ENPP1: variants seen among roughly 807,000 people sequenced by gnomAD.
ENPP1 encodes ectonucleotide pyrophosphatase/phosphodiesterase 1, also known as ectonucleotide pyrophosphatase/phosphodiesterase family member 1.
A neutral mutation model predicts 122.8 loss-of-function variants in ENPP1; 73 were observed. That is an observed-to-expected ratio of 0.59 (90% CI 0.49 to 0.72). The LOEUF is 0.72. ENPP1 is among the 30% of genes least tolerant of loss of function. ENPP1 has a pLI of 0.00. For missense variants in ENPP1, 978 were observed against 1,128.1 expected, an observed-to-expected ratio of 0.87 and a Z score of 1.91; for synonymous variants, 367 against 391.6, an observed-to-expected ratio of 0.94 and a Z score of 0.74.
At chr6:131,873,403 C>T (rs1782187864) in intron 15 of ENPP1, among the ~76,000 whole-genome samples, 1 of 152,154 alleles carries the variant, frequency 6.6e-6, no homozygotes, top group Admixed American at 6.6e-5. Flanking sequence ...AACCATTGTT[C>T]TGGCTTTTCA....
intron 3 of ENPP1, 146 bp downstream of exon 3, chr6:131,850,252 T>C (rs1443268419): frequency 1.5e-6 from 1 of 680,580 alleles, no homozygotes; most frequent in African/African-American, 1.8e-5. Flanking sequence ...TTAGCTTTTA[T>C]ATTTTCTTTC....
rs114446564 is a variant in ENPP1, at chr6:131,825,529, G to A, written c.240+17254G>A. The stretch of plus-strand genomic sequence containing the variant: ...ACGGCTAGTCACTTTCATATTGACA[G>A]TACAGATCTGTGGAACATTTTTAGC... On this transcript the variant is annotated intron_variant, in intron 1 of 24. Coordinates refer to ENST00000647893, the MANE Select transcript of ENPP1 (RefSeq NM_006208.3). Among the ~76,000 whole-genome samples the A allele has an allele frequency of 6.9e-3, 1,046 of 152,260 alleles. 16 individuals carry two copies. The highest frequency in any genetic ancestry group is 0.024 in the African/African-American group (985 of 41,532).
intron 1 of ENPP1, among the ~76,000 whole-genome samples, chr6:131,812,318 C>G (rs1178696099): frequency 1.3e-5 from 2 of 152,098 alleles, no homozygotes; most frequent in African/African-American, 2.4e-5. Context: ...TTGTCCTGGT[C>G]TAAAGAACAA....
chr6:131,889,723 C>T (rs1782438639), intron 24 of ENPP1, among the ~76,000 whole-genome samples: 1 of 152,108 alleles, frequency 6.6e-6, no homozygotes, highest in Admixed American at 6.5e-5. Flanking sequence ...CATGTCTCTC[C>T]TATTGTGAAT....
In ENPP1 at chr6:131,893,501, C is replaced by T. The variant is rs1782499554; in HGVS notation, c.*2990C>T. ...GCAAAGAAGGGACCTTCTAACATTC[C>T]TTGGATGGAACATTTTTGACATTTT... On this transcript the variant is annotated 3_prime_UTR_variant, in exon 25 of 25. Transcript: ENST00000647893. 1 of 152,220 alleles carries T rather than the reference C, an allele frequency of 6.6e-6. No homozygotes were observed. The highest frequency in any genetic ancestry group is 1.5e-5 in the Non-Finnish European group (1 of 68,054). 9.4% of individuals were successfully genotyped at this position (152,220 alleles called of 1,614,324 possible).
At chr6:131,874,122 T>C in intron 15 of ENPP1, 146 bp from the exon 16 acceptor site, 1 of 629,104 alleles carries the variant, frequency 1.6e-6, no homozygotes, top group South Asian at 1.8e-5. Context: ...TTCTTAATGC[T>C]TTTCAAAGCC....
chr6:131,874,627 A>G (rs931406474), intron 16 of ENPP1, among the ~76,000 whole-genome samples: 2 of 152,158 alleles, frequency 1.3e-5, no homozygotes, highest in African/African-American at 4.8e-5. Flanking sequence ...GGATCACTGT[A>G]TAGAGATTTC....
intron 1 of ENPP1, chr6:131,826,634 T>G: frequency 1.2e-6 from 1 of 869,512 alleles, no homozygotes; most frequent in Non-Finnish European, 1.8e-6. Flanking sequence ...AGGCTTTTCT[T>G]ATTGACCATC....
chr6:131,860,176 T>C (rs1781999891), intron 7 of ENPP1, among the ~76,000 whole-genome samples: 1 of 152,184 alleles, frequency 6.6e-6, no homozygotes, highest in Admixed American at 6.5e-5. Flanking sequence ...TGACTTATTT[T>C]CTCCTATTAC....
intron 9 of ENPP1, among the ~76,000 whole-genome samples, chr6:131,864,032 G>A (rs187123991): frequency 4.6e-5 from 7 of 152,208 alleles, no homozygotes; most frequent in African/African-American, 1.4e-4. Flanking sequence ...TTGGGGTGGG[G>A]CAAGAACTCT....
chr6:131,882,495 AC>A (rs780614479), intron 21 of ENPP1, 21 bp downstream of exon 21: 11 of 1,581,316 alleles, frequency 7.0e-6, no homozygotes, highest in Middle Eastern at 1.7e-4. Context: ...TCCTCTCCTG[AC>A]CTTCCCTTTT....
At chr6:131,854,607 G>T (rs1781922034) in intron 5 of ENPP1, among the ~76,000 whole-genome samples, 11 of 152,014 alleles carry the variant, frequency 7.2e-5, no homozygotes, top group Admixed American at 7.2e-4. Context: ...TATTTTAGTA[G>T]CAATTGGTGT....
At chr6:131,873,081 A>T (rs752544806) in intron 15 of ENPP1, 31 bp downstream of exon 15, 8 of 1,612,778 alleles carry the variant, frequency 5.0e-6, no homozygotes, top group Non-Finnish European at 6.8e-6. Flanking sequence ...AGGTAAACTT[A>T]GTCTGATCGG....
At chr6:131,889,196 G>A (rs1027009387) in intron 24 of ENPP1, among the ~76,000 whole-genome samples, 18 of 152,200 alleles carry the variant, frequency 1.2e-4, no homozygotes, top group Non-Finnish European at 2.4e-4. Flanking sequence ...TACCTGATAC[G>A]ATTGTCACAG....
At chr6:131,874,226 T>C (rs199886668) in intron 15 of ENPP1, 42 bp from the exon 16 acceptor site, 56 of 1,089,162 alleles carry the variant, frequency 5.1e-5, no homozygotes, top group Non-Finnish European at 5.4e-5. Context: ...TTATGTTTTA[T>C]GAAAGGACTT....
At chr6:131,812,210 C>T (rs1243786225) in intron 1 of ENPP1, among the ~76,000 whole-genome samples, 1 of 152,128 alleles carries the variant, frequency 6.6e-6, no homozygotes, top group Non-Finnish European at 1.5e-5. Flanking sequence ...AAAAGGATGA[C>T]ACAAATAAGG....
Position 131,818,705 on chromosome 6 carries a change from C to G in ENPP1, c.240+10430C>G, listed in dbSNP as rs1781448005. The stretch of plus-strand genomic sequence containing the variant: ...TTTAATAATCTGAAACCTAGATTAC[C>G]TGTCTTTTTGATATTCTATGTGACA... On this transcript the variant is annotated intron_variant, in intron 1 of 24. Transcript: ENST00000647893. Among the ~76,000 whole-genome samples, 5 of 151,998 alleles carry G rather than the reference C, an allele frequency of 3.3e-5. No homozygotes were observed. In the South Asian group the frequency reaches 1.0e-3, roughly 32 times the overall value.
intron 2 of ENPP1, among the ~76,000 whole-genome samples, chr6:131,848,170 G>A (rs533886835): frequency 6.6e-6 from 1 of 152,090 alleles, no homozygotes; most frequent in Admixed American, 6.5e-5. Flanking sequence ...AAGCAACCCT[G>A]TAGGTTACTA....
intron 18 of ENPP1, chr6:131,877,866 A>AAAAAAAAAAAATATATATAT (rs1562183349): frequency 1.9e-5 from 1 of 53,026 alleles, no homozygotes; most frequent in Non-Finnish European, 3.0e-5. Flanking sequence ...AAAAAAAAAA[A>AAAAAAAAAAAATATATATAT]ATATATATAT....
Sources: allele counts gnomAD v4.1 joint callset (sites outside exome capture counted in the v4.1 genomes callset), GRCh38; gene constraint gnomAD v4.1.1; transcripts MANE v1.5; gene names NCBI Gene and HGNC (gene_info 2026-07-23, HGNC 2026-07-21).